Variants in ANKH observed in about 807,000 individuals in gnomAD.
ANKH encodes ANKH inorganic pyrophosphate transport regulator.
ANKH carries 15 observed loss-of-function variants against 49.0 expected under a neutral mutation model. The ratio of observed to expected loss-of-function variants is 0.31; its 90% CI spans 0.20 to 0.47. The LOEUF (loss-of-function observed/expected upper bound fraction) is 0.47. ANKH is among the 20% of genes least tolerant of loss of function. The pLI is 1.00. For synonymous variants in ANKH, 273 were observed against 260.0 expected, an observed-to-expected ratio of 1.05 and a Z score of -0.48; for missense variants, 429 against 652.0, an observed-to-expected ratio of 0.66 and a Z score of 3.72.
Position 14,741,819 on chromosome 5 carries a change from G to C in ANKH, c.1011+8C>G, listed in dbSNP as rs747169442. On this transcript the variant is annotated splice_region_variant and intron_variant, in intron 8 of 11. Coordinates refer to ENST00000284268, the MANE Select transcript of ANKH (RefSeq NM_054027.6). Reference sequence around the variant, plus strand: ...GAGAGAAGAGGCAGAGAGAGCCTCTGTCCTTACCGTGAGTGACAGAGCCAT... The same window carrying C: ...GAGAGAAGAGGCAGAGAGAGCCTCTCTCCTTACCGTGAGTGACAGAGCCAT... 4 of 1,611,538 alleles carry C rather than the reference G, an allele frequency of 2.5e-6. No homozygotes were observed. The highest frequency in any genetic ancestry group is 3.4e-6 in the Non-Finnish European group (4 of 1,177,714).
intron 1 of ANKH, among the ~76,000 whole-genome samples, chr5:14,830,646 C>G (rs191533471): frequency 6.6e-6 from 1 of 151,948 alleles, no homozygotes; most frequent in Non-Finnish European, 1.5e-5. Flanking sequence ...ACAGCAAGTC[C>G]GACTAAGATA....
chr5:14,734,125 T>C (rs1561029498), intron 8 of ANKH, among the ~76,000 whole-genome samples: 2 of 152,190 alleles, frequency 1.3e-5, no homozygotes, highest in African/African-American at 4.8e-5. Context: ...TATGTCAATA[T>C]GTTCAATTCT....
In ANKH at chr5:14,713,767, C is replaced by T; in HGVS notation, c.1142-100G>A. The T allele has an allele frequency of 6.5e-7, 1 of 1,538,800 alleles. No homozygotes were observed. Among genetic ancestry groups the T allele is most frequent in the Non-Finnish European group, 8.9e-7 (1 of 1,118,248 alleles). On this transcript the variant is annotated intron_variant, in intron 9 of 11. Transcript: ENST00000284268. The surrounding 1 kb of genome is among the most constrained non-coding windows in gnomAD (Gnocchi z 4.4). Reference sequence around the variant, plus strand: ...AGCACATCCGAGAGCCAGGGGCTGCCTAGGACCCTGGCCTTGCTGTTGAGC... The same window carrying T: ...AGCACATCCGAGAGCCAGGGGCTGCTTAGGACCCTGGCCTTGCTGTTGAGC...
intron 8 of ANKH, among the ~76,000 whole-genome samples, chr5:14,733,328 G>T (rs547718163): frequency 2.0e-5 from 3 of 152,210 alleles, no homozygotes; most frequent in Non-Finnish European, 4.4e-5. Context: ...GCCCGAGCAA[G>T]TGGGACATCC....
rs1387098504 is a variant in ANKH at position 14,712,976 on chromosome 5, G to A, written c.1266-3C>T. ...CGCCCAGGGTCGCACCGTGCACCCT[G>A]CAGATGAGAACACAAAGGCAATTTG... is the stretch of plus-strand genomic sequence containing the variant. On this transcript the variant is annotated splice_polypyrimidine_tract_variant and splice_region_variant and intron_variant, in intron 10 of 11. Transcript: ENST00000284268. The A allele has an allele frequency of 6.2e-7, 1 of 1,611,710 alleles. No individual in the cohort carries two copies. Among genetic ancestry groups the A allele is most frequent in the Admixed American group, 1.7e-5 (1 of 59,752 alleles).
chr5:14,793,613 G>C (rs1335143232), intron 1 of ANKH, among the ~76,000 whole-genome samples: 2 of 152,234 alleles, frequency 1.3e-5, no homozygotes, highest in East Asian at 3.8e-4. Context: ...CAGGCCGGGA[G>C]TCTTGCAGGA....
At chr5:14,863,863 T>C (rs770750534) in intron 1 of ANKH, among the ~76,000 whole-genome samples, 4 of 152,196 alleles carry the variant, frequency 2.6e-5, no homozygotes, top group Non-Finnish European at 4.4e-5. Flanking sequence ...AATTTACAAC[T>C]GGGCTTGTCT....
At position 14,751,256 on chromosome 5, in the gene ANKH, C is replaced by T. The variant is rs189510238; in HGVS notation, c.517-17G>A. On this transcript the variant is annotated splice_polypyrimidine_tract_variant and intron_variant, in intron 4 of 11. Transcript: ENST00000284268. ...AAAAACAACCTGAGAGAAGGGAGAA[C>T]GGGAACAGGTCAGAGGGGAGAAGCG... The T allele has an allele frequency of 8.8e-5, 142 of 1,613,508 alleles. No individual in the cohort carries two copies. The highest frequency in any genetic ancestry group is 4.9e-4 in the African/African-American group (37 of 75,014).
intron 8 of ANKH, among the ~76,000 whole-genome samples, chr5:14,740,449 G>A (rs1355788224): frequency 1.3e-5 from 2 of 152,022 alleles, no homozygotes; most frequent in African/African-American, 2.4e-5. Context: ...AACCGGCCCC[G>A]CTCAAACAGG....
chr5:14,766,773 C>T (rs1256001651), intron 2 of ANKH, among the ~76,000 whole-genome samples: 1 of 152,212 alleles, frequency 6.6e-6, no homozygotes. Flanking sequence ...TTACTGTAGG[C>T]CCCACCCAGG....
intron 1 of ANKH, among the ~76,000 whole-genome samples, chr5:14,853,378 C>T (rs1264592514): frequency 6.6e-6 from 1 of 152,072 alleles, no homozygotes; most frequent in African/African-American, 2.4e-5. Context: ...GGGCTTGAGA[C>T]CAACCTGGGT....
intron 1 of ANKH, among the ~76,000 whole-genome samples, chr5:14,809,646 T>C (rs943571255): frequency 6.6e-6 from 1 of 152,250 alleles, no homozygotes; most frequent in African/African-American, 2.4e-5. Flanking sequence ...GTTCATGGGA[T>C]GAAATGATGC....
chr5:14,791,541 A>G (rs979389014), intron 1 of ANKH, among the ~76,000 whole-genome samples: 1 of 152,166 alleles, frequency 6.6e-6, no homozygotes, highest in African/African-American at 2.4e-5. Context: ...TGTAAAAAAA[A>G]TGCATAAAAA....
chr5:14,791,260 G>A lies in ANKH; in HGVS notation c.97-22069C>T, dbSNP rs77581997. The stretch of plus-strand genomic sequence containing the variant: ...GAAGAACCTTAACTCTGGGGTGGGC[G>A]CATGAGCTCAGTCTGAAAGAGGTGG... On this transcript the variant is annotated intron_variant, in intron 1 of 11. Transcript: ENST00000284268. Among the ~76,000 whole-genome samples, 399 of 152,216 alleles carry A rather than the reference G, an allele frequency of 2.6e-3. 3 individuals carry two copies. Among genetic ancestry groups the A allele is most frequent in the African/African-American group, 9.2e-3 (381 of 41,522 alleles).
At position 14,706,121 on chromosome 5, in the gene ANKH, C is replaced by T. The variant is rs1381818879; in HGVS notation, c.*5076G>A. On this transcript the variant is annotated 3_prime_UTR_variant, in exon 12 of 12. Transcript: ENST00000284268. ...AGAAAGGGTGCCTAGTTCTTGTGTG[C>T]TTTTGTTTACATATACATATTGTAG... 1 of 152,112 alleles carries T rather than the reference C, an allele frequency of 6.6e-6. No homozygotes were observed. Among genetic ancestry groups the T allele is most frequent in the East Asian group, 1.9e-4 (1 of 5,192 alleles). 9.4% of individuals were successfully genotyped at this position (152,112 alleles called of 1,614,324 possible).
intron 1 of ANKH, among the ~76,000 whole-genome samples, chr5:14,792,881 G>A (rs771118887): frequency 2.0e-5 from 3 of 149,286 alleles, no homozygotes; most frequent in Non-Finnish European, 4.4e-5. Flanking sequence ...GGAGGCTGAG[G>A]CAGGAGAATC....
At chr5:14,869,983 G>A (rs896562927) in intron 1 of ANKH, 2 of 152,280 alleles carry the variant, frequency 1.3e-5, no homozygotes, top group African/African-American at 4.8e-5. Context: ...ACGGATTGTA[G>A]GAAGTGTTCA....
At chr5:14,790,946 T>C (rs1045320311) in intron 1 of ANKH, among the ~76,000 whole-genome samples, 2 of 152,114 alleles carry the variant, frequency 1.3e-5, no homozygotes, top group African/African-American at 4.8e-5. Context: ...CCTGTGTGTA[T>C]TAGGGCCTGT....
At chr5:14,717,821 C>A (rs919356786) in intron 8 of ANKH, among the ~76,000 whole-genome samples, 2 of 152,058 alleles carry the variant, frequency 1.3e-5, no homozygotes, top group Non-Finnish European at 2.9e-5. Flanking sequence ...ATCCCTAATC[C>A]CAAAATACAA....
Sources: gnomAD v4.1 joint callset for allele counts (sites outside exome capture counted in the v4.1 genomes callset) on GRCh38, gnomAD v4.1.1 for gene constraint, Gnocchi (gnomAD v3.1) non-coding constraint, MANE v1.5 for transcripts, NCBI Gene and HGNC (gene_info 2026-07-23, HGNC 2026-07-21) for gene names.